Variants in ZNF618 observed in about 807,000 individuals in gnomAD.
ZNF618 encodes the protein zinc finger protein 618, also known as neural precursor cell expressed, developmentally down-regulated 10.
A neutral mutation model predicts 103.0 loss-of-function variants in ZNF618; 34 were observed. That is an observed-to-expected ratio of 0.33 (90% CI 0.25 to 0.44). The LOEUF is 0.44. ZNF618 is among the 20% of genes least tolerant of loss of function. ZNF618 has a pLI of 1.00. For missense variants in ZNF618, 1,059 were observed against 1,295.4 expected (o/e 0.82, Z 2.80); for synonymous variants, 551 against 542.2 (o/e 1.02, Z -0.23).
rs1325245861 is a variant in ZNF618 at position 114,039,397 on chromosome 9, AG to A, written c.1246+3021del. Among the ~76,000 whole-genome samples the A allele has an allele frequency of 3.6e-5, 5 of 138,784 alleles. No homozygotes were observed. The Admixed American group carries it at 3.9e-4, about 11-fold the overall frequency. 91.0% of individuals were successfully genotyped at this position (138,784 alleles called of 152,430 possible). On this transcript the variant is annotated intron_variant, in intron 13 of 14. Transcript: ENST00000374126. ...AGTCTCGATCTGTCGCCCAGGCTGG[AG>A]TGCAGTGGCACAATCTCAGCTGTAT... is the stretch of plus-strand genomic sequence containing the variant.
chr9:114,007,553 C>T, intron 7 of ZNF618, 114 bp downstream of exon 7: 1 of 973,258 alleles, frequency 1.0e-6, no homozygotes, highest in South Asian at 1.6e-5. Flanking sequence ...AAAGGCCAGG[C>T]AGTAGCTGGA....
intron 7 of ZNF618, 104 bp from the exon 8 acceptor site, chr9:114,008,240 G>T: frequency 6.6e-7 from 1 of 1,514,206 alleles, no homozygotes; most frequent in Non-Finnish European, 9.0e-7. Flanking sequence ...AAACCCATGG[G>T]GATAGGGGCT....
At chr9:113,936,452 A>C (rs896710856) in intron 1 of ZNF618, among the ~76,000 whole-genome samples, 1 of 152,272 alleles carries the variant, frequency 6.6e-6, no homozygotes, top group Non-Finnish European at 1.5e-5. Flanking sequence ...ATTTTCTAGA[A>C]TATGTCTGCT....
intron 1 of ZNF618, among the ~76,000 whole-genome samples, chr9:113,925,102 G>T (rs1050567110): frequency 3.3e-5 from 5 of 151,982 alleles, no homozygotes; most frequent in African/African-American, 1.2e-4. Flanking sequence ...GGATCTGTCA[G>T]TTGTTGCTAG....
chr9:113,990,767 G>A (rs147449662), intron 3 of ZNF618, among the ~76,000 whole-genome samples: 197 of 152,288 alleles, frequency 1.3e-3, no homozygotes, highest in African/African-American at 4.3e-3. Flanking sequence ...GGGAAATGCC[G>A]TCCTCCCATG....
At chr9:114,039,010 A>G (rs993632620) in intron 13 of ZNF618, among the ~76,000 whole-genome samples, 2 of 152,174 alleles carry the variant, frequency 1.3e-5, no homozygotes, top group East Asian at 3.8e-4. Context: ...ATAGCTAACG[A>G]AACGGAGGCA....
chr9:114,037,466 C>T lies in ZNF618; in HGVS notation c.1246+1089C>T, dbSNP rs981648690. 3.3e-5 allele frequency among the ~76,000 whole-genome samples: 5 copies of T among 152,314 alleles called. No homozygotes were observed. In the East Asian group the frequency reaches 9.7e-4, roughly 29 times the overall value. ...CGTGTCCAGAGCCACTGTCCCGGGA[C>T]AGTTGGCCACTCTGCAAAGGGAAAC... is the stretch of plus-strand genomic sequence containing the variant. On this transcript the variant is annotated intron_variant, in intron 13 of 14. Transcript: ENST00000374126.
At chr9:113,968,239 G>A (rs1418561643) in intron 1 of ZNF618, among the ~76,000 whole-genome samples, 1 of 152,156 alleles carries the variant, frequency 6.6e-6, no homozygotes, top group Non-Finnish European at 1.5e-5. Flanking sequence ...TGTTTGATTA[G>A]CGGGGGCTCT....
At chr9:114,018,072 T>G (rs1223733026) in intron 10 of ZNF618, among the ~76,000 whole-genome samples, 3 of 152,214 alleles carry the variant, frequency 2.0e-5, no homozygotes, top group Non-Finnish European at 2.9e-5. Context: ...TTTAAGGTCT[T>G]TTCAGCCCAG....
At chr9:114,015,217 C>T (rs1258859661) in intron 9 of ZNF618, among the ~76,000 whole-genome samples, 1 of 151,954 alleles carries the variant, frequency 6.6e-6, no homozygotes, top group Non-Finnish European at 1.5e-5. Flanking sequence ...GACTAATAAA[C>T]CAATTAAGAA....
At position 114,055,139 on chromosome 9, in the gene ZNF618, G is replaced by T. The variant is rs1846389606; in HGVS notation, c.*4972G>T. On this transcript the variant is annotated 3_prime_UTR_variant, in exon 15 of 15. Transcript: ENST00000374126. ...AGCCCAGCCTTGTCCGCAACCTCAG[G>T]GGCCTGGGATTCCTGTGGCGCTTCC... The T allele has an allele frequency of 6.6e-6, 1 of 152,202 alleles. No homozygotes were observed. Among genetic ancestry groups the T allele is most frequent in the Non-Finnish European group, 1.5e-5 (1 of 68,076 alleles). The allele number at this position is 152,202 out of a possible 1,614,324, so 9.4% of individuals were successfully genotyped here.
At chr9:113,915,434 G>A (rs1831980999) in intron 1 of ZNF618, among the ~76,000 whole-genome samples, 1 of 152,142 alleles carries the variant, frequency 6.6e-6, no homozygotes, top group African/African-American at 2.4e-5. Flanking sequence ...GGAGGAACTG[G>A]GGGGAGACTG....
intron 1 of ZNF618, among the ~76,000 whole-genome samples, chr9:113,936,747 T>C (rs543681056): frequency 6.6e-6 from 1 of 152,338 alleles, no homozygotes; most frequent in Admixed American, 6.5e-5. Flanking sequence ...TTACTTTCTG[T>C]TTTTTGAAGA....
Position 114,008,492 on chromosome 9 carries a change from G to A in ZNF618, c.692G>A (p.Gly231Asp). 1 of 1,613,946 alleles carries A rather than the reference G, an allele frequency of 6.2e-7. No individual in the cohort carries two copies. The highest frequency in any genetic ancestry group is 8.5e-7 in the Non-Finnish European group (1 of 1,179,860). ...PENRADPFDQ[G>D]VVATDEVKEE... ...TCTCCCACAGACCCCTTCGACCAAG[G>A]TGTCGTGGCCACGGACGAGGTGAAG... The change falls in exon 9 of 15, where the codon GGT becomes GAT. Residue 231 changes from glycine to aspartate, a missense_variant. Gly to Asp is a moderately conservative substitution (Grantham distance 94). This residue lies in a region of ZNF618 where 434 missense variants were observed against 476.0 expected (regional missense o/e 0.91). Coordinates refer to ENST00000374126, the MANE Select transcript of ZNF618 (RefSeq NM_001318042.2).
At chr9:114,042,776 C>A (rs958676314) in intron 13 of ZNF618, among the ~76,000 whole-genome samples, 2 of 152,210 alleles carry the variant, frequency 1.3e-5, no homozygotes, top group Non-Finnish European at 2.9e-5. Context: ...CTGCAGTGAG[C>A]TATGATGGTG....
intron 1 of ZNF618, among the ~76,000 whole-genome samples, chr9:113,913,941 A>G (rs1249434819): frequency 6.6e-6 from 1 of 152,174 alleles, no homozygotes; most frequent in African/African-American, 2.4e-5. Flanking sequence ...AAACCTGTGA[A>G]TGGAACACAC....
intron 9 of ZNF618, among the ~76,000 whole-genome samples, chr9:114,012,111 G>T (rs1007738709): frequency 2.0e-5 from 3 of 149,540 alleles, no homozygotes; most frequent in Non-Finnish European, 4.4e-5. Context: ...ACCTGAAAAT[G>T]ATCTACCACA....
chr9:114,042,477 A>G (rs1267536838), intron 13 of ZNF618, among the ~76,000 whole-genome samples: 2 of 152,172 alleles, frequency 1.3e-5, no homozygotes, highest in African/African-American at 4.8e-5. Flanking sequence ...ATTTGAGACC[A>G]GTCCCTGGAC....
intron 6 of ZNF618, among the ~76,000 whole-genome samples, chr9:114,004,050 T>C (rs1841502456): frequency 6.6e-6 from 1 of 152,130 alleles, no homozygotes; most frequent in Non-Finnish European, 1.5e-5. Context: ...AAAAAAAGAT[T>C]CTTAACATAA....
Sources: gnomAD v4.1 joint callset for allele counts (sites outside exome capture counted in the v4.1 genomes callset) on GRCh38, gnomAD v4.1.1 for gene constraint, gnomAD v4.1.1 regional missense constraint, MANE v1.5 for transcripts, NCBI Gene and HGNC (gene_info 2026-07-23, HGNC 2026-07-21) for gene names.